The following STK3 variants were observed in gnomAD, a reference collection of about 807,000 sequenced individuals.
The protein encoded by STK3 is serine/threonine-protein kinase 3.
In STK3, 41 loss-of-function variants were observed where a neutral mutation model predicts 58.0. That is an observed-to-expected ratio of 0.71 (90% CI 0.55 to 0.92). The LOEUF is 0.92. Ranked by LOEUF, STK3 falls within the 40% of genes least tolerant of loss-of-function variation. STK3 has a pLI of 0.00. For missense variants in STK3, 479 were observed against 602.7 expected (o/e 0.79, Z 2.15); for synonymous variants, 170 against 191.0 (o/e 0.89, Z 0.91).
chr8:98,787,583 C>T (rs1459244021), intron 1 of STK3, among the ~76,000 whole-genome samples: 1 of 152,156 alleles, frequency 6.6e-6, no homozygotes, highest in East Asian at 1.9e-4. Flanking sequence ...GCTCAAAGAA[C>T]ACCTGGGGAA....
At chr8:98,591,963 C>T (rs148153187) in intron 7 of STK3, among the ~76,000 whole-genome samples, 6 of 152,314 alleles carry the variant, frequency 3.9e-5, no homozygotes, top group Non-Finnish European at 7.4e-5. Flanking sequence ...CATAATCAGT[C>T]ACTAAATCCT....
intron 10 of STK3, among the ~76,000 whole-genome samples, chr8:98,492,239 A>G (rs1822754238): frequency 6.6e-6 from 1 of 152,228 alleles, no homozygotes; most frequent in African/African-American, 2.4e-5. Context: ...TGCAGAGAAC[A>G]ATGAGAGAGA....
chr8:98,941,226 A>T (rs969033195), intron 1 of STK3, among the ~76,000 whole-genome samples: 2 of 152,252 alleles, frequency 1.3e-5, no homozygotes, highest in African/African-American at 4.8e-5. Context: ...CTGTTTTAAA[A>T]GATAAAATTC....
intron 1 of STK3, among the ~76,000 whole-genome samples, chr8:98,792,689 A>G (rs962128069): frequency 6.6e-6 from 1 of 152,176 alleles, no homozygotes; most frequent in African/African-American, 2.4e-5. Context: ...CAACAACAGT[A>G]AAACTCCGTC....
At chr8:98,767,015 G>C (rs1830990190) in intron 3 of STK3, among the ~76,000 whole-genome samples, 1 of 152,172 alleles carries the variant, frequency 6.6e-6, no homozygotes, top group African/African-American at 2.4e-5. Context: ...CAGATACTCA[G>C]GGGGCTGAGG....
chr8:98,765,700 C>G (rs530357334), intron 3 of STK3, among the ~76,000 whole-genome samples: 8 of 152,320 alleles, frequency 5.3e-5, no homozygotes, highest in African/African-American at 1.9e-4. Context: ...AGCATGAGGA[C>G]AAAGCACATG....
At chr8:98,390,204 T>C (rs1817835491), upstream of STK3, among the ~76,000 whole-genome samples, 1 of 152,260 alleles carries the variant, frequency 6.6e-6, no homozygotes, top group Non-Finnish European at 1.5e-5. Flanking sequence ...TTTTTGAGCA[T>C]GTCCACTGGC....
chr8:98,841,799 G>A (rs1417770400), intron 3 of STK3, among the ~76,000 whole-genome samples: 8 of 151,750 alleles, frequency 5.3e-5, no homozygotes, highest in East Asian at 1.9e-4. Context: ...AAAAATACAA[G>A]GTTGTCTACT....
chr8:98,639,200 C>T (rs183201644), intron 6 of STK3, among the ~76,000 whole-genome samples: 8 of 151,940 alleles, frequency 5.3e-5, no homozygotes, highest in Non-Finnish European at 7.4e-5. Context: ...GTCTCAACCT[C>T]CTGGGCTCAA....
At chr8:98,633,900 G>A (rs1464413027) in intron 6 of STK3, 4 of 314,592 alleles carry the variant, frequency 1.3e-5, no homozygotes, top group Admixed American at 8.7e-5. Context: ...AACCTGGTAA[G>A]TTGTCAAGGG....
intron 2 of STK3, among the ~76,000 whole-genome samples, chr8:98,376,653 C>T (rs987048921): frequency 9.2e-5 from 14 of 152,158 alleles, no homozygotes. Flanking sequence ...TCCATCTACT[C>T]TAAAGGGAAG....
chr8:98,913,263 A>T (rs1839221810), intron 1 of STK3, among the ~76,000 whole-genome samples: 1 of 152,216 alleles, frequency 6.6e-6, no homozygotes, highest in African/African-American at 2.4e-5. Context: ...ATTAAAAATG[A>T]CTTGCAAATT....
At chr8:98,623,550 AAG>A (rs1818488693) in intron 6 of STK3, among the ~76,000 whole-genome samples, 1 of 152,164 alleles carries the variant, frequency 6.6e-6, no homozygotes, top group South Asian at 2.1e-4. Context: ...TTGGGAGGCC[AAG>A]GCAGGCAGAT....
At chr8:98,505,879 T>G (rs1158337947) in intron 10 of STK3, among the ~76,000 whole-genome samples, 1 of 152,224 alleles carries the variant, frequency 6.6e-6, no homozygotes, top group East Asian at 1.9e-4. Flanking sequence ...AGGCAGTCTG[T>G]CTGTTCTCAG....
At chr8:98,585,557 T>C (rs1476326120) in intron 7 of STK3, among the ~76,000 whole-genome samples, 1 of 149,172 alleles carries the variant, frequency 6.7e-6, no homozygotes, top group Non-Finnish European at 1.5e-5. Flanking sequence ...TCTTTTGGCT[T>C]AGGATTGACT....
chr8:98,863,182 T>C (rs1474342355), intron 3 of STK3, among the ~76,000 whole-genome samples: 1 of 152,158 alleles, frequency 6.6e-6, no homozygotes, highest in African/African-American at 2.4e-5. Flanking sequence ...ATCAAGATAA[T>C]ATGAAGTATG....
chr8:98,696,298 G>A (rs571800713), intron 6 of STK3, among the ~76,000 whole-genome samples: 3 of 152,178 alleles, frequency 2.0e-5, no homozygotes, highest in East Asian at 3.9e-4. Context: ...CATGTCATCT[G>A]CAAACAGGGA....
At chr8:98,598,402 A>T in intron 6 of STK3, 1 of 985,374 alleles carries the variant, frequency 1.0e-6, no homozygotes, top group South Asian at 4.7e-5. Flanking sequence ...ACAAGCATGA[A>T]CACCGAGCAT....
At chr8:98,403,043 A>G (rs181442503) in intron 3 of STK3, among the ~76,000 whole-genome samples, 2 of 152,236 alleles carry the variant, frequency 1.3e-5, no homozygotes, top group Non-Finnish European at 2.9e-5. Flanking sequence ...CTGAGTTATC[A>G]GTCTCCAGCT....
Sources: gnomAD v4.1 joint callset for allele counts (sites outside exome capture counted in the v4.1 genomes callset) on GRCh38, gnomAD v4.1.1 for gene constraint, MANE v1.5 for transcripts, NCBI Gene and HGNC (gene_info 2026-07-23, HGNC 2026-07-21) for gene names.